The following PRLR variants were observed in gnomAD, a reference collection of about 807,000 sequenced individuals.
The protein encoded by PRLR is prolactin receptor.
Under a neutral mutation model 40.2 loss-of-function variants are expected in PRLR, and 13 were observed. The observed-to-expected ratio is 0.32, with a 90% confidence interval of 0.21 to 0.51. The LOEUF is 0.51. Ranked by LOEUF, PRLR falls within the 20% of genes least tolerant of loss-of-function variation. PRLR has a pLI of 0.97. For missense variants in PRLR, 656 were observed against 747.3 expected, an observed-to-expected ratio of 0.88 and a Z score of 1.42; for synonymous variants, 269 against 278.7, an observed-to-expected ratio of 0.97 and a Z score of 0.35.
rs1219574931 is a variant in PRLR at position 35,056,447 on chromosome 5, C to G, written c.*8642G>C. ...CTAGTCCCCCCACTGCTCCCTTACCCCAAGATTTCAAAGTTTCTATTAAAT... is the reference window on the plus strand; with the variant it reads ...CTAGTCCCCCCACTGCTCCCTTACCGCAAGATTTCAAAGTTTCTATTAAAT... On this transcript the variant is annotated 3_prime_UTR_variant, in exon 10 of 10. Transcript: ENST00000618457. The G allele has an allele frequency of 6.6e-6, 1 of 152,042 alleles. No homozygotes were observed. The highest frequency in any genetic ancestry group is 1.9e-4 in the East Asian group (1 of 5,196). The allele number at this position is 152,042 out of a possible 1,614,324, so 9.4% of individuals were successfully genotyped here.
At chr5:35,155,422 G>A (rs1232206936) in intron 1 of PRLR, among the ~76,000 whole-genome samples, 1 of 151,962 alleles carries the variant, frequency 6.6e-6, no homozygotes, top group Non-Finnish European at 1.5e-5. Flanking sequence ...AACCAATTGA[G>A]CTAACTTGTT....
At chr5:35,187,522 G>C (rs973867950) in intron 1 of PRLR, among the ~76,000 whole-genome samples, 4 of 152,172 alleles carry the variant, frequency 2.6e-5, no homozygotes, top group Non-Finnish European at 5.9e-5. Context: ...CAAGACGCCA[G>C]AGTTCTAGGT....
chr5:35,185,162 G>A (rs1441257122), intron 1 of PRLR, among the ~76,000 whole-genome samples: 1 of 152,164 alleles, frequency 6.6e-6, no homozygotes, highest in Non-Finnish European at 1.5e-5. Flanking sequence ...CTTCATTTCT[G>A]ATGCTTCGTC....
In PRLR at chr5:35,056,626, T is replaced by C. The variant is rs547008815; in HGVS notation, c.*8463A>G. ...TAATTTCTGTTTTCTTTCCGGAAAG[T>C]ATATTCAATGCTTTTGAAAAATTAG... On this transcript the variant is annotated 3_prime_UTR_variant, in exon 10 of 10. Coordinates refer to ENST00000618457, the MANE Select transcript of PRLR (RefSeq NM_000949.7). The C allele has an allele frequency of 6.6e-6, 1 of 152,308 alleles. No homozygotes were observed. The highest frequency in any genetic ancestry group is 1.9e-4 in the East Asian group (1 of 5,186). 9.4% of individuals were successfully genotyped at this position (152,308 alleles called of 1,614,324 possible). A position where few individuals can be genotyped will look rare whatever the true frequency, so the allele number is the denominator to read the frequency against.
rs1769302349 is a variant in PRLR, at chr5:35,065,479, C to A, written c.1479G>T (p.Leu493=). 1 of 1,614,056 alleles carries A rather than the reference C, an allele frequency of 6.2e-7. No homozygotes were observed. The highest frequency in any genetic ancestry group is 1.7e-5 in the Admixed American group (1 of 59,996). Residue 493 remains leucine (L), a synonymous_variant, in exon 10 of 10, where the codon CTG becomes CTT. Coordinates refer to ENST00000618457, the MANE Select transcript of PRLR (RefSeq NM_000949.7). ...CAAAGGGGGTTTTCTCCTGGGGCAG[C>A]AGCCAGGGCGTATCCTGGTCAGTCT... ...HSETDQDTPW[L]LPQEKTPFGS... is the part of the protein sequence containing the mutation.
At chr5:35,219,639 C>T (rs769865605) in intron 1 of PRLR, among the ~76,000 whole-genome samples, 5 of 152,084 alleles carry the variant, frequency 3.3e-5, no homozygotes, top group African/African-American at 9.7e-5. Context: ...ACTAGTAATG[C>T]GAATGTGACC....
chr5:35,131,684 GC>G (rs139304357), intron 1 of PRLR, among the ~76,000 whole-genome samples: 2,128 of 152,180 alleles, frequency 0.014, 63 homozygotes, highest in African/African-American at 0.049. Context: ...CAATTCCTTA[GC>G]TTGGAACTCT....
At chr5:35,204,225 A>T (rs1775953520) in intron 1 of PRLR, among the ~76,000 whole-genome samples, 1 of 150,432 alleles carries the variant, frequency 6.6e-6, no homozygotes, top group African/African-American at 2.5e-5. Flanking sequence ...AAAAAAAAAA[A>T]TAATAAATAA....
chr5:35,199,037 C>A (rs1436819292), intron 1 of PRLR, among the ~76,000 whole-genome samples: 1 of 152,228 alleles, frequency 6.6e-6, no homozygotes, highest in Non-Finnish European at 1.5e-5. Flanking sequence ...GCTGAGAAAG[C>A]AGGGTCCCTT....
At chr5:35,158,694 A>G (rs888338468) in intron 1 of PRLR, among the ~76,000 whole-genome samples, 2 of 152,096 alleles carry the variant, frequency 1.3e-5, no homozygotes, top group Non-Finnish European at 2.9e-5. Flanking sequence ...TGACTCAAGC[A>G]AGGACGGTGG....
rs759761543 is a variant in PRLR at position 35,065,296 on chromosome 5, A to T, written c.1662T>A (p.Asp554Glu). Residue 554 changes from aspartate to glutamate, a missense_variant, in exon 10 of 10, where the codon GAT becomes GAA. Asp to Glu is a conservative substitution (Grantham distance 45). Coordinates refer to ENST00000618457, the MANE Select transcript of PRLR (RefSeq NM_000949.7). ...CTGGCACCAACACCAGGATGTTGTT[A>T]TCCATGACCCCGGACACCTTGGCAT... is the stretch of plus-strand genomic sequence containing the variant. ...KEYAKVSGVM[D>E]NNILVLVPDP... 2 of 1,614,168 alleles carry T rather than the reference A, an allele frequency of 1.2e-6. No homozygotes were observed. The highest frequency in any genetic ancestry group is 1.7e-6 in the Non-Finnish European group (2 of 1,180,024).
intron 1 of PRLR, among the ~76,000 whole-genome samples, chr5:35,229,073 C>T (rs940944376): frequency 2.0e-5 from 3 of 150,500 alleles, no homozygotes; most frequent in Admixed American, 2.0e-4. Context: ...TCCTCTCTTG[C>T]ACTATTCAGC....
In PRLR at chr5:35,106,076, A is replaced by G. The variant is rs554085962; in HGVS notation, c.-44+11985T>C. 1.5e-3 allele frequency among the ~76,000 whole-genome samples: 233 copies of G among 152,342 alleles called. 1 individual carries two copies. Among genetic ancestry groups the G allele is most frequent in the Non-Finnish European group, 2.7e-3 (187 of 68,026 alleles). On this transcript the variant is annotated intron_variant, in intron 2 of 9. Transcript: ENST00000618457. ...AAGAGAGTGGGGGCCAATATTCAAC[A>G]TTCTTAAAGAAAAGAATTTTCAACC...
At chr5:35,219,501 T>A (rs1776365481) in intron 1 of PRLR, among the ~76,000 whole-genome samples, 1 of 152,226 alleles carries the variant, frequency 6.6e-6, no homozygotes, top group Admixed American at 6.5e-5. Flanking sequence ...GCCCACTAAA[T>A]GCTTGCGATT....
intron 2 of PRLR, among the ~76,000 whole-genome samples, chr5:35,093,001 T>C (rs1771309172): frequency 6.6e-6 from 1 of 152,142 alleles, no homozygotes; most frequent in South Asian, 2.1e-4. Flanking sequence ...CCAAGAAAAG[T>C]CCCTTCTCCC....
chr5:35,210,585 G>A (rs1164249762), intron 1 of PRLR, among the ~76,000 whole-genome samples: 1 of 152,200 alleles, frequency 6.6e-6, no homozygotes, highest in African/African-American at 2.4e-5. Context: ...GCGAAGCTCA[G>A]TCTAGAGTTA....
intron 4 of PRLR, among the ~76,000 whole-genome samples, chr5:35,085,487 T>A (rs116090705): frequency 0.023 from 3,500 of 152,310 alleles, 61 homozygotes; most frequent in Middle Eastern, 0.11. Context: ...ACAGAGATGA[T>A]CTGGTTTAGC....
At chr5:35,150,776 A>G (rs1034680672) in intron 1 of PRLR, among the ~76,000 whole-genome samples, 2 of 152,240 alleles carry the variant, frequency 1.3e-5, no homozygotes, top group African/African-American at 4.8e-5. Context: ...CTTATTTCAC[A>G]TGCCTTAGAG....
At chr5:35,125,183 C>T (rs1773417326) in intron 1 of PRLR, among the ~76,000 whole-genome samples, 1 of 152,200 alleles carries the variant, frequency 6.6e-6, no homozygotes, top group South Asian at 2.1e-4. Context: ...ATCAGCATCA[C>T]TGAAACACAG....
Sources: gnomAD v4.1 joint callset for allele counts (sites outside exome capture counted in the v4.1 genomes callset) on GRCh38, gnomAD v4.1.1 for gene constraint, MANE v1.5 for transcripts, NCBI Gene and HGNC (gene_info 2026-07-23, HGNC 2026-07-21) for gene names.